ADAM18: variants seen among roughly 807,000 people sequenced by gnomAD.
ADAM18 encodes disintegrin and metalloproteinase domain-containing protein 18.
In ADAM18, 117 loss-of-function variants were observed where a neutral mutation model predicts 94.4. That is an observed-to-expected ratio of 1.24 (90% CI 1.07 to 1.45). ADAM18 has a LOEUF of 1.45. Ranked by LOEUF, ADAM18 falls within the 40% of genes most tolerant of loss-of-function variation. The pLI is 0.00. For missense variants in ADAM18, 936 were observed against 880.0 expected (o/e 1.06, Z -0.81); for synonymous variants, 327 against 291.6 (o/e 1.12, Z -1.24).
At chr8:39,645,624 A>G in intron 11 of ADAM18, 150 bp downstream of exon 11, 1 of 730,332 alleles carries the variant, frequency 1.4e-6, no homozygotes, top group South Asian at 2.0e-5. Context: ...AATTATGTAT[A>G]CTTAGGGATA....
chr8:39,611,154 A>G, intron 6 of ADAM18: 1 of 907,826 alleles, frequency 1.1e-6, no homozygotes, highest in Non-Finnish European at 1.3e-6. Flanking sequence ...TCTTTCTTTC[A>G]GCACTTTGAA....
intron 10 of ADAM18, among the ~76,000 whole-genome samples, chr8:39,639,135 T>A (rs114258359): frequency 6.6e-6 from 1 of 151,892 alleles, no homozygotes; most frequent in Non-Finnish European, 1.5e-5. Flanking sequence ...AGTATATAGA[T>A]AAAATTCCAC....
chr8:39,720,847 T>A (rs1004821463), intron 18 of ADAM18, among the ~76,000 whole-genome samples: 2 of 151,476 alleles, frequency 1.3e-5, no homozygotes, highest in African/African-American at 4.8e-5. Flanking sequence ...TGTGGGAATA[T>A]GCAAGCATTG....
rs747761572 is a variant in ADAM18 at position 39,606,293 on chromosome 8, G to A, written c.133-14G>A. The A allele has an allele frequency of 3.5e-6, 5 of 1,441,770 alleles. No individual in the cohort carries two copies. Among genetic ancestry groups the A allele is most frequent in the African/African-American group, 1.4e-5 (1 of 69,666 alleles). 89.3% of individuals were successfully genotyped at this position (1,441,770 alleles called of 1,614,324 possible). ...GGTTTCCTTCACAATCTTTACTGAT[G>A]TGTTTTATTTTAGATGATTTACATC... On this transcript the variant is annotated splice_polypyrimidine_tract_variant and intron_variant, in intron 2 of 19. Transcript: ENST00000265707.
At chr8:39,623,083 G>T (rs932207008) in intron 6 of ADAM18, among the ~76,000 whole-genome samples, 10 of 151,998 alleles carry the variant, frequency 6.6e-5, no homozygotes, top group Non-Finnish European at 1.0e-4. Flanking sequence ...GTATGTCTTT[G>T]CATACCACTT....
intron 6 of ADAM18, among the ~76,000 whole-genome samples, chr8:39,615,534 C>T (rs191002930): frequency 6.6e-6 from 1 of 151,960 alleles, no homozygotes; most frequent in South Asian, 2.1e-4. Context: ...TGTAAAGAAC[C>T]CTTAACAAAC....
At chr8:39,593,885 G>A (rs1223405995) in intron 2 of ADAM18, among the ~76,000 whole-genome samples, 1 of 151,876 alleles carries the variant, frequency 6.6e-6, no homozygotes, top group Non-Finnish European at 1.5e-5. Flanking sequence ...ATTGCTTTCA[G>A]CCAGCCTAGG....
At chr8:39,662,336 G>A (rs1261543407) in intron 12 of ADAM18, among the ~76,000 whole-genome samples, 1 of 152,062 alleles carries the variant, frequency 6.6e-6, no homozygotes, top group Non-Finnish European at 1.5e-5. Flanking sequence ...AGAATCTGGA[G>A]TATGTAATTA....
Position 39,606,309 on chromosome 8 carries a change from G to GATTTAC in ADAM18, c.138_143dup (p.Tyr47_Ile48dup). Reference sequence around the variant, plus strand: ...TTTACTGATGTGTTTTATTTTAGATGATTTACATCATTACAATTGATGGAC... The same window carrying GATTTAC: ...TTTACTGATGTGTTTTATTTTAGATGATTTACATTTACATCATTACAATTGATGGAC... On this transcript the variant is annotated inframe_insertion, in exon 3 of 20. Transcript: ENST00000265707. 2 of 1,527,278 alleles carry GATTTAC rather than the reference G, an allele frequency of 1.3e-6. No individual in the cohort carries two copies. Among genetic ancestry groups the GATTTAC allele is most frequent in the Non-Finnish European group, 1.8e-6 (2 of 1,124,170 alleles). 94.6% of individuals were successfully genotyped at this position (1,527,278 alleles called of 1,614,324 possible).
intron 2 of ADAM18, among the ~76,000 whole-genome samples, chr8:39,603,602 A>T (rs12679668): frequency 0.24 from 36,961 of 152,098 alleles, 4,770 homozygotes; most frequent in East Asian, 0.48. Flanking sequence ...AATATACATC[A>T]CTTGCTTCAT....
chr8:39,701,317 A>G (rs1280198728), intron 17 of ADAM18, among the ~76,000 whole-genome samples: 1 of 150,938 alleles, frequency 6.6e-6, no homozygotes, highest in Non-Finnish European at 1.5e-5. Flanking sequence ...ATTTGCTGAT[A>G]TATGTATTGT....
intron 10 of ADAM18, among the ~76,000 whole-genome samples, chr8:39,643,697 G>T (rs1017797192): frequency 4.6e-5 from 7 of 151,876 alleles, no homozygotes; most frequent in Admixed American, 2.6e-4. Context: ...GCAATCTTTG[G>T]CATTTCTTGG....
chr8:39,701,068 A>G (rs1178888615), intron 17 of ADAM18, among the ~76,000 whole-genome samples: 4 of 124,490 alleles, frequency 3.2e-5, no homozygotes, highest in African/African-American at 1.1e-4. Flanking sequence ...CAGTGAGCCG[A>G]GATCCCGCCA....
At chr8:39,602,338 A>G (rs2129578221) in intron 2 of ADAM18, among the ~76,000 whole-genome samples, 1 of 152,294 alleles carries the variant, frequency 6.6e-6, no homozygotes, top group East Asian at 1.9e-4. Flanking sequence ...CGTACACACC[A>G]ACATTTGCTG....
chr8:39,612,041 T>C (rs539299630), intron 6 of ADAM18, among the ~76,000 whole-genome samples: 2 of 151,868 alleles, frequency 1.3e-5, no homozygotes, highest in African/African-American at 4.8e-5. Flanking sequence ...AATAAGAATA[T>C]GGTAATACCA....
At chr8:39,724,761 C>T (rs976884450) in intron 19 of ADAM18, among the ~76,000 whole-genome samples, 3 of 151,804 alleles carry the variant, frequency 2.0e-5, no homozygotes, top group African/African-American at 7.2e-5. Context: ...TTTTCATTTC[C>T]ATTCAGTTCA....
intron 5 of ADAM18, among the ~76,000 whole-genome samples, chr8:39,610,025 G>T (rs1050209521): frequency 6.6e-6 from 1 of 151,946 alleles, no homozygotes; most frequent in Non-Finnish European, 1.5e-5. Flanking sequence ...AAGTTCATCA[G>T]GAAAAAAAGG....
chr8:39,708,661 G>A (rs1822308157), intron 18 of ADAM18, among the ~76,000 whole-genome samples: 2 of 152,340 alleles, frequency 1.3e-5, no homozygotes, highest in South Asian at 4.1e-4. Flanking sequence ...ACAACCTGCA[G>A]TTCTCAACTC....
intron 18 of ADAM18, among the ~76,000 whole-genome samples, chr8:39,712,204 T>C (rs1337622181): frequency 6.6e-6 from 1 of 152,136 alleles, no homozygotes; most frequent in Non-Finnish European, 1.5e-5. Flanking sequence ...CACGATTATC[T>C]CAATAGATAC....
Sources: allele counts gnomAD v4.1 joint callset (sites outside exome capture counted in the v4.1 genomes callset), GRCh38; gene constraint gnomAD v4.1.1; transcripts MANE v1.5; gene names NCBI Gene and HGNC (gene_info 2026-07-23, HGNC 2026-07-21).